CUL3: variants seen among roughly 807,000 people sequenced by gnomAD.
CUL3 encodes the protein cullin 3.
A neutral mutation model predicts 89.1 loss-of-function variants in CUL3; 19 were observed. The observed-to-expected ratio is 0.21, with a 90% CI of 0.15 to 0.31. The LOEUF (loss-of-function observed/expected upper bound fraction) is 0.31, where lower values mean the gene tolerates loss of function less well. Ranked by LOEUF, CUL3 falls within the 10% of genes least tolerant of loss-of-function variation. The pLI is 1.00. For synonymous variants in CUL3, 351 were observed against 308.4 expected (o/e 1.14, Z -1.45); for missense variants, 469 against 942.3 (o/e 0.50, Z 6.58).
chr2:224,517,114 T>G (rs1360209551), intron 3 of CUL3, among the ~76,000 whole-genome samples: 1 of 152,238 alleles, frequency 6.6e-6, no homozygotes, highest in African/African-American at 2.4e-5. Context: ...TCACTATTAT[T>G]GCTTAAACTA....
chr2:224,565,000 G>A (rs1000209209), intron 1 of CUL3, among the ~76,000 whole-genome samples: 2 of 152,028 alleles, frequency 1.3e-5, no homozygotes, highest in African/African-American at 4.8e-5. Context: ...TAACCCCAAG[G>A]TATTTCTCAA....
intron 1 of CUL3, among the ~76,000 whole-genome samples, chr2:224,565,322 T>C (rs1304672500): frequency 1.3e-5 from 2 of 152,200 alleles, no homozygotes; most frequent in African/African-American, 2.4e-5. Flanking sequence ...CCCATCCTTC[T>C]GGTCTTCACA....
chr2:224,528,581 C>G (rs1160261884), intron 3 of CUL3, among the ~76,000 whole-genome samples: 3 of 152,144 alleles, frequency 2.0e-5, no homozygotes, highest in Non-Finnish European at 4.4e-5. Flanking sequence ...CTCAACAACT[C>G]ACATGCTTCT....
intron 13 of CUL3, among the ~76,000 whole-genome samples, chr2:224,491,618 T>C (rs888429349): frequency 6.6e-6 from 1 of 152,198 alleles, no homozygotes; most frequent in African/African-American, 2.4e-5. Flanking sequence ...GTAGTAAAGA[T>C]AGGCAACTTC....
intron 3 of CUL3, among the ~76,000 whole-genome samples, chr2:224,525,152 G>A (rs560220265): frequency 1.2e-4 from 19 of 152,032 alleles, no homozygotes; most frequent in East Asian, 1.9e-4. Context: ...TATGGAACAA[G>A]TGATACACCT....
At chr2:224,584,086 T>G (rs922200137) in intron 1 of CUL3, among the ~76,000 whole-genome samples, 1 of 152,192 alleles carries the variant, frequency 6.6e-6, no homozygotes, top group African/African-American at 2.4e-5. Context: ...CACCCAAAGT[T>G]ATATCCTATA....
intron 13 of CUL3, among the ~76,000 whole-genome samples, chr2:224,486,893 C>A (rs1691745772): frequency 6.6e-6 from 1 of 152,094 alleles, no homozygotes; most frequent in African/African-American, 2.4e-5. Context: ...AAAGGGAAGC[C>A]CATCAGACTA....
chr2:224,481,529 G>T (rs1204079397), intron 14 of CUL3, among the ~76,000 whole-genome samples: 1 of 151,760 alleles, frequency 6.6e-6, no homozygotes, highest in Non-Finnish European at 1.5e-5. Context: ...CTTTTATATA[G>T]GTCTCCCAAT....
intron 1 of CUL3, among the ~76,000 whole-genome samples, chr2:224,578,355 GATT>G (rs1695357835): frequency 6.6e-6 from 1 of 151,238 alleles, no homozygotes; most frequent in African/African-American, 2.4e-5. Context: ...CATATACAAT[GATT>G]ATCTTACCTT....
In CUL3 at chr2:224,585,357, C is replaced by T. The variant is rs1695562374; in HGVS notation, c.-348G>A. On this transcript the variant is annotated 5_prime_UTR_variant, in exon 1 of 16. Transcript: ENST00000264414. ...ACATCTCACTGCGCAGGCCGAACGT[C>T]GTCCTCCTCCTCCTCCTTCTCCTCC... is the stretch of plus-strand genomic sequence containing the variant. The T allele has an allele frequency of 5.0e-6, 2 of 400,666 alleles. No homozygotes were observed. Among genetic ancestry groups the T allele is most frequent in the South Asian group, 1.3e-4 (1 of 7,926 alleles). 24.8% of individuals were successfully genotyped at this position (400,666 alleles called of 1,614,324 possible).
Position 224,502,968 on chromosome 2 carries a change from AGTT to A in CUL3, c.1479_1481del (p.Thr494del). 1 of 1,607,654 alleles carries A rather than the reference AGTT, an allele frequency of 6.2e-7. No individual in the cohort carries two copies. Among genetic ancestry groups the A allele is most frequent in the Non-Finnish European group, 8.5e-7 (1 of 1,174,358 alleles). ...AGAAATTAACGCAGAATCTTACACC[AGTT>A]GCCTGTAGATGTTGCCTGAATTCAT... On this transcript the variant is annotated inframe_deletion, in exon 10 of 16. Coordinates refer to ENST00000264414, the MANE Select transcript of CUL3 (RefSeq NM_003590.5).
chr2:224,508,636 TATC>T (rs1428705520), intron 6 of CUL3, among the ~76,000 whole-genome samples: 7 of 152,178 alleles, frequency 4.6e-5, no homozygotes, highest in Non-Finnish European at 8.8e-5. Context: ...AAAAATTAAA[TATC>T]ATTATTTCTA....
chr2:224,558,160 T>A (rs1694782675), intron 1 of CUL3, among the ~76,000 whole-genome samples: 1 of 152,168 alleles, frequency 6.6e-6, no homozygotes, highest in Admixed American at 6.5e-5. Flanking sequence ...CGTAAGTCAC[T>A]TACCCCTTAT....
At chr2:224,567,407 G>A (rs904306367) in intron 1 of CUL3, among the ~76,000 whole-genome samples, 10 of 152,012 alleles carry the variant, frequency 6.6e-5, no homozygotes, top group African/African-American at 2.2e-4. Flanking sequence ...TTTTTGTAGA[G>A]ATGGGGGTCT....
At position 224,470,864 on chromosome 2, in the gene CUL3, T is replaced by C. The variant is rs1044142933; in HGVS notation, c.*3381A>G. 4.8e-5 allele frequency: 11 copies of C among 229,994 alleles called. No homozygotes were observed. Among genetic ancestry groups the C allele is most frequent in the African/African-American group, 2.2e-4 (10 of 45,188 alleles). 14.2% of individuals were successfully genotyped at this position (229,994 alleles called of 1,614,324 possible). On this transcript the variant is annotated 3_prime_UTR_variant, in exon 16 of 16. Coordinates refer to ENST00000264414, the MANE Select transcript of CUL3 (RefSeq NM_003590.5). ...AGGTACAAAATAAATGAAAATTTTT[T>C]AATATGGAAAATCATGTCAATTTGT...
In CUL3 at chr2:224,503,640, AAC is replaced by A. The variant is rs759259023; in HGVS notation, c.1377+10_1377+11del. The A allele has an allele frequency of 6.4e-7, 1 of 1,561,268 alleles. No individual in the cohort carries two copies. The highest frequency in any genetic ancestry group is 8.6e-7 in the Non-Finnish European group (1 of 1,158,000). The stretch of plus-strand genomic sequence containing the variant: ...GTTAGGTGCACTCTATTTCATCTAA[AAC>A]ACACCTTACCTTTAACTTAGATATC... On this transcript the variant is annotated intron_variant, in intron 9 of 15. Coordinates refer to ENST00000264414, the MANE Select transcript of CUL3 (RefSeq NM_003590.5).
At position 224,473,446 on chromosome 2, in the gene CUL3, G is replaced by C. The variant is rs1691203287; in HGVS notation, c.*799C>G. The C allele has an allele frequency of 5.4e-6, 1 of 186,656 alleles. No homozygotes were observed. Among genetic ancestry groups the C allele is most frequent in the Non-Finnish European group, 1.1e-5 (1 of 88,132 alleles). The allele number at this position is 186,656 out of a possible 1,614,324, so 11.6% of individuals were successfully genotyped here. A position where few individuals can be genotyped will look rare whatever the true frequency, so the allele number is the denominator to read the frequency against. Reference sequence around the variant, plus strand: ...TTCATTATTTTTGTCTACAATAAATGAAATAAAAACACCACCCTATACAAT... The same window carrying C: ...TTCATTATTTTTGTCTACAATAAATCAAATAAAAACACCACCCTATACAAT... On this transcript the variant is annotated 3_prime_UTR_variant, in exon 16 of 16. Transcript: ENST00000264414.
At chr2:224,568,922 T>C (rs952943243) in intron 1 of CUL3, among the ~76,000 whole-genome samples, 2 of 152,174 alleles carry the variant, frequency 1.3e-5, no homozygotes, top group African/African-American at 2.4e-5. Flanking sequence ...TGAGCTTTAA[T>C]CTTTCCACTT....
At chr2:224,582,227 A>G (rs72974260) in intron 1 of CUL3, among the ~76,000 whole-genome samples, 41,352 of 152,192 alleles carry the variant, frequency 0.27, 6,216 homozygotes, top group Middle Eastern at 0.4. Context: ...TCGGCCTCCC[A>G]AAGTGCTGGG....
Sources: allele counts gnomAD v4.1 joint callset (sites outside exome capture counted in the v4.1 genomes callset), GRCh38; gene constraint gnomAD v4.1.1; transcripts MANE v1.5; gene names NCBI Gene and HGNC (gene_info 2026-07-23, HGNC 2026-07-21).